The following HOOK3 variants were observed in gnomAD, a reference collection of about 807,000 sequenced individuals.
The protein encoded by HOOK3 is hook microtubule tethering protein 3, also known as protein Hook homolog 3.
In HOOK3, 24 loss-of-function variants were observed where a neutral mutation model predicts 116.3. The observed-to-expected ratio is 0.21, with a 90% CI of 0.15 to 0.29. The LOEUF is 0.29. Among genes scored for constraint, HOOK3 ranks in the 10% least tolerant of loss-of-function variants. HOOK3 has a pLI of 1.00. For synonymous variants in HOOK3, 275 were observed against 283.0 expected, an observed-to-expected ratio of 0.97 and a Z score of 0.28; for missense variants, 632 against 830.2, an observed-to-expected ratio of 0.76 and a Z score of 2.93.
At chr8:42,926,701 A>G (rs1466346649) in intron 3 of HOOK3, among the ~76,000 whole-genome samples, 2 of 152,244 alleles carry the variant, frequency 1.3e-5, no homozygotes, top group African/African-American at 2.4e-5. Flanking sequence ...CTATAATACA[A>G]TATCAAAACT....
chr8:42,931,203 C>G (rs935893136), intron 4 of HOOK3, among the ~76,000 whole-genome samples: 15 of 152,168 alleles, frequency 9.9e-5, no homozygotes, highest in African/African-American at 3.6e-4. Flanking sequence ...CCCTCAGCTC[C>G]TGGCATTTCT....
chr8:42,965,603 T>C (rs1808619260), intron 9 of HOOK3, among the ~76,000 whole-genome samples: 2 of 152,198 alleles, frequency 1.3e-5, no homozygotes, highest in South Asian at 4.1e-4. Flanking sequence ...AAAAAGTGCG[T>C]CATCACTTGT....
intron 15 of HOOK3, among the ~76,000 whole-genome samples, chr8:42,996,560 TC>T (rs1354573586): frequency 1.3e-5 from 2 of 152,082 alleles, no homozygotes. Flanking sequence ...GATCTCCTTT[TC>T]CCCCAGTTTC....
chr8:42,963,422 A>G (rs1048197714), intron 8 of HOOK3, among the ~76,000 whole-genome samples: 1 of 152,154 alleles, frequency 6.6e-6, no homozygotes, highest in African/African-American at 2.4e-5. Context: ...CTTGTTGGCA[A>G]ACGTTTGGAT....
rs564935939 is a variant in HOOK3 at position 42,898,641 on chromosome 8, A to C, written c.57+1453A>C. Reference sequence around the variant, plus strand: ...GTAGTGCTTCCCTTTATGCTAGAAGAAGCAGCCAGAAGGCAAAGATGAAGC... The same window carrying C: ...GTAGTGCTTCCCTTTATGCTAGAAGCAGCAGCCAGAAGGCAAAGATGAAGC... On this transcript the variant is annotated intron_variant, in intron 1 of 21. Coordinates refer to ENST00000307602, the MANE Select transcript of HOOK3 (RefSeq NM_032410.4). Among the ~76,000 whole-genome samples the C allele has an allele frequency of 1.4e-3, 207 of 152,352 alleles. 1 individual carries two copies. The highest frequency in any genetic ancestry group is 1.7e-3 in the East Asian group (9 of 5,190).
In HOOK3 at chr8:42,943,303, C is replaced by A; in HGVS notation, c.268-10C>A. The A allele has an allele frequency of 2.2e-6, 3 of 1,389,560 alleles. No individual in the cohort carries two copies. The highest frequency in any genetic ancestry group is 2.9e-6 in the Non-Finnish European group (3 of 1,048,368). The allele number at this position is 1,389,560 out of a possible 1,614,324, so 86.1% of individuals were successfully genotyped here. Reference sequence around the variant, plus strand: ...GTAAATGCAATTATAATCCTTTTATCTCCATTCAGATTTTAGGACAGCAAA... The same window carrying A: ...GTAAATGCAATTATAATCCTTTTATATCCATTCAGATTTTAGGACAGCAAA... On this transcript the variant is annotated splice_polypyrimidine_tract_variant and intron_variant, in intron 4 of 21. Coordinates refer to ENST00000307602, the MANE Select transcript of HOOK3 (RefSeq NM_032410.4).
At chr8:42,985,997 T>C (rs1376842142) in intron 14 of HOOK3, among the ~76,000 whole-genome samples, 1 of 152,222 alleles carries the variant, frequency 6.6e-6, no homozygotes, top group Non-Finnish European at 1.5e-5. Flanking sequence ...CCTCTAAAGA[T>C]GACCCTGTGT....
intron 4 of HOOK3, among the ~76,000 whole-genome samples, chr8:42,930,849 A>G (rs1807859491): frequency 6.6e-6 from 1 of 152,130 alleles, no homozygotes; most frequent in Non-Finnish European, 1.5e-5. Flanking sequence ...CATTAGTCAA[A>G]CCTTCAAAAT....
At chr8:42,940,515 G>A (rs1808092429) in intron 4 of HOOK3, among the ~76,000 whole-genome samples, 1 of 152,128 alleles carries the variant, frequency 6.6e-6, no homozygotes, top group Non-Finnish European at 1.5e-5. Flanking sequence ...GACAGGGACA[G>A]GGACAGGGAG....
At position 42,906,154 on chromosome 8, in the gene HOOK3, C is replaced by G. The variant is rs201927379; in HGVS notation, c.58-19C>G. 5.6e-5 allele frequency: 62 copies of G among 1,103,222 alleles called. 2 individuals are homozygous for G. The highest frequency in any genetic ancestry group is 2.1e-4 in the Middle Eastern group (1 of 4,686). 68.3% of individuals were successfully genotyped at this position (1,103,222 alleles called of 1,614,324 possible). A position where few individuals can be genotyped will look rare whatever the true frequency, so the allele number is the denominator to read the frequency against. On this transcript the variant is annotated intron_variant, in intron 1 of 21. Transcript: ENST00000307602. ...GTAACCACAGAATCTCTCCCCCCCC[C>G]CTCTTTTTTTCCCTTCAGATCCAGA...
At chr8:42,928,962 A>T (rs983336218) in intron 3 of HOOK3, among the ~76,000 whole-genome samples, 5 of 152,150 alleles carry the variant, frequency 3.3e-5, no homozygotes, top group African/African-American at 1.2e-4. Context: ...GAATTGCTTG[A>T]ACCTGGGAGG....
At chr8:42,967,909 T>C (rs760999680) in intron 10 of HOOK3, 104 bp from the exon 11 acceptor site, 14 of 676,168 alleles carry the variant, frequency 2.1e-5, no homozygotes, top group African/African-American at 3.6e-5. Context: ...CACTTTTGTC[T>C]TATTTCATTA....
chr8:42,973,653 G>A (rs905572342), intron 12 of HOOK3, among the ~76,000 whole-genome samples: 1 of 151,926 alleles, frequency 6.6e-6, no homozygotes, highest in Non-Finnish European at 1.5e-5. Context: ...CCTCCTTTAC[G>A]TTGTTCTGCT....
intron 3 of HOOK3, among the ~76,000 whole-genome samples, chr8:42,926,780 G>A (rs749790834): frequency 6.6e-6 from 1 of 152,146 alleles, no homozygotes; most frequent in Non-Finnish European, 1.5e-5. Context: ...CTCTATGTTA[G>A]TGTGTGCAGT....
chr8:42,933,631 G>C (rs922785540), intron 4 of HOOK3, among the ~76,000 whole-genome samples: 2 of 152,036 alleles, frequency 1.3e-5, no homozygotes, highest in Non-Finnish European at 2.9e-5. Context: ...TTACTTTCAT[G>C]TTTTGGTAGA....
chr8:42,931,871 C>T (rs1416213333), intron 4 of HOOK3, among the ~76,000 whole-genome samples: 3 of 152,168 alleles, frequency 2.0e-5, no homozygotes, highest in African/African-American at 7.2e-5. Flanking sequence ...TCTCCTGTCT[C>T]AGCTTCCCGA....
At chr8:42,943,561 C>A in intron 5 of HOOK3, 116 bp downstream of exon 5, 1 of 575,724 alleles carries the variant, frequency 1.7e-6, no homozygotes, top group Non-Finnish European at 2.6e-6. Flanking sequence ...AGGTCACCCC[C>A]AAAGAATGCC....
intron 11 of HOOK3, among the ~76,000 whole-genome samples, chr8:42,972,601 A>C (rs552334244): frequency 6.6e-6 from 1 of 152,234 alleles, no homozygotes; most frequent in East Asian, 1.9e-4. Context: ...GGGTCTCACT[A>C]TGCTGCCTTG....
intron 4 of HOOK3, among the ~76,000 whole-genome samples, chr8:42,939,731 C>T (rs1340946376): frequency 1.4e-4 from 21 of 144,876 alleles, no homozygotes; most frequent in African/African-American, 1.8e-4. Flanking sequence ...TCAGACGGGG[C>T]GGCTGCCGGG....
Sources: gnomAD v4.1 joint callset for allele counts (sites outside exome capture counted in the v4.1 genomes callset) on GRCh38, gnomAD v4.1.1 for gene constraint, MANE v1.5 for transcripts, NCBI Gene and HGNC (gene_info 2026-07-23, HGNC 2026-07-21) for gene names.